The following C8orf34 variants were observed in gnomAD, a reference collection of about 807,000 sequenced individuals.
The protein encoded by C8orf34 is chromosome 8 open reading frame 34, also known as uncharacterized protein C8orf34.
In C8orf34, 65 loss-of-function variants were observed where a neutral mutation model predicts 68.3. The ratio of observed to expected loss-of-function variants is 0.95; its 90% confidence interval spans 0.78 to 1.17. The LOEUF is 1.17. Among genes scored for constraint, C8orf34 ranks in the 50% most tolerant of loss-of-function variants. C8orf34 has a pLI of 0.00. For synonymous variants in C8orf34, 244 were observed against 241.2 expected (o/e 1.01, Z -0.11); for missense variants, 664 against 655.4 (o/e 1.01, Z -0.14).
intron 7 of C8orf34, chr8:68,535,190 T>G: frequency 2.0e-6 from 2 of 984,108 alleles, no homozygotes; most frequent in Non-Finnish European, 2.4e-6. Flanking sequence ...CAGAAAAATA[T>G]AAATGCTAAG....
At chr8:68,686,623 A>G (rs1007627067) in intron 8 of C8orf34, among the ~76,000 whole-genome samples, 1 of 152,116 alleles carries the variant, frequency 6.6e-6, no homozygotes, top group Non-Finnish European at 1.5e-5. Flanking sequence ...GAAGGGACTT[A>G]CCTCAAAATA....
chr8:68,658,632 T>C (rs1819581144), intron 8 of C8orf34, among the ~76,000 whole-genome samples: 1 of 152,192 alleles, frequency 6.6e-6, no homozygotes, highest in Non-Finnish European at 1.5e-5. Flanking sequence ...TCTTTTCTCT[T>C]AGATGAATAT....
At chr8:68,589,841 AAAG>A (rs1465272873) in intron 7 of C8orf34, among the ~76,000 whole-genome samples, 3 of 143,700 alleles carry the variant, frequency 2.1e-5, no homozygotes, top group East Asian at 2.1e-4. Context: ...AAGGAAGTAA[AAAG>A]AAAAAGAGAG....
intron 1 of C8orf34, among the ~76,000 whole-genome samples, chr8:68,366,771 G>A (rs867299143): frequency 3.4e-4 from 49 of 145,658 alleles, no homozygotes; most frequent in African/African-American, 1.0e-3. Flanking sequence ...AGATTTAAAC[G>A]TTAGACCTAA....
intron 3 of C8orf34, among the ~76,000 whole-genome samples, chr8:68,463,293 T>C (rs1811938293): frequency 6.6e-6 from 1 of 152,124 alleles, no homozygotes; most frequent in South Asian, 2.1e-4. Flanking sequence ...ATTGTGGCAA[T>C]AATCAATAGC....
intron 1 of C8orf34, among the ~76,000 whole-genome samples, chr8:68,398,381 A>G (rs1428214706): frequency 6.6e-6 from 1 of 152,192 alleles, no homozygotes; most frequent in Non-Finnish European, 1.5e-5. Flanking sequence ...TATTAAATAT[A>G]TGCTCATAGG....
At chr8:68,572,071 T>C (rs567013963) in intron 7 of C8orf34, among the ~76,000 whole-genome samples, 10 of 152,262 alleles carry the variant, frequency 6.6e-5, no homozygotes, top group African/African-American at 2.2e-4. Flanking sequence ...CTGAATACCA[T>C]AGACAATTGT....
At chr8:68,774,848 C>A (rs983171940) in intron 10 of C8orf34, among the ~76,000 whole-genome samples, 35 of 150,318 alleles carry the variant, frequency 2.3e-4, no homozygotes, top group African/African-American at 8.1e-4. Flanking sequence ...GGCTCACGCC[C>A]GTAATTCCGG....
At chr8:68,749,378 A>G (rs1822627647) in intron 10 of C8orf34, among the ~76,000 whole-genome samples, 2 of 152,222 alleles carry the variant, frequency 1.3e-5, no homozygotes, top group African/African-American at 4.8e-5. Context: ...CCTAAAACTT[A>G]AAATATAATA....
chr8:68,512,539 TA>T (rs1304206298), intron 5 of C8orf34, among the ~76,000 whole-genome samples: 2 of 152,286 alleles, frequency 1.3e-5, no homozygotes, highest in East Asian at 3.9e-4. Flanking sequence ...CACATTATCA[TA>T]AATTATTTAT....
At position 68,774,329 on chromosome 8, in the gene C8orf34, G is replaced by GTATATATATATATATA. The variant is rs1237765866; in HGVS notation, c.1405-2069_1405-2068insATATATATATATATAT. ...TCTATGTATAAAAATATGGGTGTGT[G>GTATATATATATATATA]TGTATATATATATATATATAAAATA... On this transcript the variant is annotated intron_variant, in intron 10 of 13. Coordinates refer to ENST00000518698, the MANE Select transcript of C8orf34 (RefSeq NM_052958.4). Among the ~76,000 whole-genome samples the GTATATATATATATATA allele has an allele frequency of 3.0e-3, 384 of 126,866 alleles. 7 individuals are homozygous for GTATATATATATATATA. The highest frequency in any genetic ancestry group is 0.011 in the African/African-American group (313 of 29,110). 83.2% of individuals were successfully genotyped at this position (126,866 alleles called of 152,430 possible).
intron 6 of C8orf34, 148 bp from the exon 7 acceptor site, chr8:68,532,835 G>A (rs1815304335): frequency 1.0e-5 from 6 of 577,314 alleles, no homozygotes; most frequent in Non-Finnish European, 1.8e-5. Context: ...GTACGGATGG[G>A]TGTCCAAGAA....
At chr8:68,471,540 A>G (rs1352387267) in intron 4 of C8orf34, among the ~76,000 whole-genome samples, 1 of 152,084 alleles carries the variant, frequency 6.6e-6, no homozygotes, top group Non-Finnish European at 1.5e-5. Context: ...ATTCATTTTT[A>G]TTTGACTCTT....
intron 12 of C8orf34, among the ~76,000 whole-genome samples, chr8:68,814,537 C>G (rs1022564064): frequency 5.9e-5 from 9 of 152,118 alleles, no homozygotes; most frequent in African/African-American, 2.2e-4. Context: ...ACCTTCAATC[C>G]AAATATTTTT....
chr8:68,330,834 G>C (rs1370805659), upstream of C8orf34: 5 of 524,698 alleles, frequency 9.5e-6, no homozygotes, highest in Non-Finnish European at 1.6e-5. Flanking sequence ...CACCGGTGGC[G>C]AGTTCGAGCC....
At chr8:68,471,030 G>A (rs1263732792) in intron 4 of C8orf34, among the ~76,000 whole-genome samples, 1 of 152,070 alleles carries the variant, frequency 6.6e-6, no homozygotes, top group Non-Finnish European at 1.5e-5. Flanking sequence ...ACAGACCTTG[G>A]TCATCAGAGT....
chr8:68,556,151 GA>G (rs200377571), intron 7 of C8orf34, among the ~76,000 whole-genome samples: 70 of 147,526 alleles, frequency 4.7e-4, no homozygotes, highest in African/African-American at 1.4e-3. Flanking sequence ...CCTCATTTTT[GA>G]AAAAAAAATT....
At chr8:68,743,393 T>C (rs1320089213) in intron 10 of C8orf34, among the ~76,000 whole-genome samples, 1 of 152,222 alleles carries the variant, frequency 6.6e-6, no homozygotes, top group Non-Finnish European at 1.5e-5. Context: ...AGCTCTGGTC[T>C]ACAGCTCCCA....
At chr8:68,460,342 A>G (rs866344011) in intron 3 of C8orf34, among the ~76,000 whole-genome samples, 18 of 152,350 alleles carry the variant, frequency 1.2e-4, no homozygotes, top group African/African-American at 4.1e-4. Flanking sequence ...CTGCCTCTGT[A>G]GGCTCCACCT....
Sources: allele counts gnomAD v4.1 joint callset (sites outside exome capture counted in the v4.1 genomes callset), GRCh38; gene constraint gnomAD v4.1.1; transcripts MANE v1.5; gene names NCBI Gene and HGNC (gene_info 2026-07-23, HGNC 2026-07-21).